PAG1: variants seen among roughly 807,000 people sequenced by gnomAD.
PAG1 encodes phosphoprotein membrane anchor with glycosphingolipid microdomains 1.
PAG1 carries 23 observed loss-of-function variants against 31.7 expected under a neutral mutation model. That is an observed-to-expected ratio of 0.73 (90% CI 0.52 to 1.03). PAG1 has a LOEUF of 1.03. Among genes scored for constraint, PAG1 ranks in the 50% least tolerant of loss-of-function variants. PAG1 has a pLI of 0.00. For missense variants in PAG1, 473 were observed against 540.7 expected, an observed-to-expected ratio of 0.87 and a Z score of 1.24; for synonymous variants, 214 against 210.3, an observed-to-expected ratio of 1.02 and a Z score of -0.15.
intron 6 of PAG1, among the ~76,000 whole-genome samples, chr8:80,985,691 A>G (rs541099170): frequency 6.6e-6 from 1 of 152,334 alleles, no homozygotes; most frequent in South Asian, 2.1e-4. Flanking sequence ...TGACCAGAAG[A>G]TGACCAGTTT....
intron 8 of PAG1, among the ~76,000 whole-genome samples, chr8:80,978,659 C>A (rs1807233884): frequency 6.6e-6 from 1 of 152,172 alleles, no homozygotes; most frequent in South Asian, 2.1e-4. Context: ...TGGCCTTTGT[C>A]CTCATTCATT....
chr8:80,995,589 A>G (rs1265191564), intron 3 of PAG1, among the ~76,000 whole-genome samples: 1 of 152,254 alleles, frequency 6.6e-6, no homozygotes, highest in Non-Finnish European at 1.5e-5. Flanking sequence ...AAAGCATACA[A>G]CATTTTAGGA....
chr8:81,093,727 C>A (rs1189322282), intron 1 of PAG1, among the ~76,000 whole-genome samples: 4 of 151,810 alleles, frequency 2.6e-5, no homozygotes, highest in African/African-American at 9.7e-5. Context: ...CAAGAAATCA[C>A]CCTCTCTGGA....
rs59502689 is a variant in PAG1, at chr8:81,021,518, ATGTGTGTG to A, written c.-81+8470_-81+8477del. Among the ~76,000 whole-genome samples, 34 of 139,684 alleles carry A rather than the reference ATGTGTGTG, an allele frequency of 2.4e-4. 1 individual carries two copies. Among genetic ancestry groups the A allele is most frequent in the Admixed American group, 2.3e-3 (31 of 13,396 alleles). 91.6% of individuals were successfully genotyped at this position (139,684 alleles called of 152,430 possible). On this transcript the variant is annotated intron_variant, in intron 3 of 8. Coordinates refer to ENST00000220597, the MANE Select transcript of PAG1 (RefSeq NM_018440.4). The stretch of plus-strand genomic sequence containing the variant: ...TTACTTCAAGTGTGTGTGTGTGTGC[ATGTGTGTG>A]TGTGTGTGTGTGTGCCTCTGTGTTT...
chr8:81,102,624 A>G (rs950118260), intron 1 of PAG1, among the ~76,000 whole-genome samples: 1 of 152,204 alleles, frequency 6.6e-6, no homozygotes, highest in Non-Finnish European at 1.5e-5. Flanking sequence ...CATTCTATGT[A>G]CTTTTCATGA....
At chr8:81,085,969 C>CTTTTTTTTT (rs1563425286) in intron 1 of PAG1, among the ~76,000 whole-genome samples, 2 of 79,064 alleles carry the variant, frequency 2.5e-5, no homozygotes, top group African/African-American at 1.2e-4. Flanking sequence ...TTTAATCTGG[C>CTTTTTTTTT]TTGTTTTTTT....
Position 81,080,259 on chromosome 8 carries a change from C to T in PAG1, c.-233-10089G>A, listed in dbSNP as rs143737800. On this transcript the variant is annotated intron_variant, in intron 1 of 8. Transcript: ENST00000220597. The stretch of plus-strand genomic sequence containing the variant: ...CTATTTCGTTTTAGTGACTAGCCTT[C>T]GTAGATGGACTAGTGATTTCAGCAC... Among the ~76,000 whole-genome samples the T allele has an allele frequency of 9.0e-4, 137 of 152,228 alleles. No individual in the cohort carries two copies. The East Asian group carries it at 0.015, about 17-fold the overall frequency.
intron 2 of PAG1, among the ~76,000 whole-genome samples, chr8:81,046,461 A>G (rs78503806): frequency 0.046 from 6,975 of 152,200 alleles, 303 homozygotes; most frequent in African/African-American, 0.11. Flanking sequence ...CCCTTCTCTT[A>G]TCACCATTTG....
intron 3 of PAG1, among the ~76,000 whole-genome samples, chr8:81,013,184 C>T (rs1808013991): frequency 6.6e-6 from 1 of 152,230 alleles, no homozygotes; most frequent in Non-Finnish European, 1.5e-5. Flanking sequence ...CTCTCCCTAG[C>T]TATGAAATAC....
intron 2 of PAG1, chr8:81,058,384 T>G (rs1808862591): frequency 6.6e-6 from 1 of 152,232 alleles, no homozygotes; most frequent in African/African-American, 2.4e-5. Flanking sequence ...TAATAAAAAC[T>G]GATACTATTT....
chr8:81,008,061 TGTATCATTTTGTCCATC>T (rs1807917205), intron 3 of PAG1, among the ~76,000 whole-genome samples: 1 of 145,852 alleles, frequency 6.9e-6, no homozygotes, highest in African/African-American at 2.4e-5. Context: ...GAAGTTAGTA[TGTATCATTTTGTCCATC>T]GGATTAAATA....
rs903154516 is a variant in PAG1, at chr8:80,990,176, G to A, written c.177+1303C>T. ...GAAACAGAGTAAAGGGAGGAGTGGT[G>A]ATGAGGGCCCAGGAAAGCTGCGAAG... On this transcript the variant is annotated intron_variant, in intron 5 of 8. Transcript: ENST00000220597. This position sits in a 1 kb window ranked among gnomAD's most constrained non-coding sequence, Gnocchi z 5.1. Among the ~76,000 whole-genome samples the A allele has an allele frequency of 1.3e-5, 2 of 152,056 alleles. No homozygotes were observed. The highest frequency in any genetic ancestry group is 2.9e-5 in the Non-Finnish European group (2 of 68,006).
At chr8:80,979,949 T>C (rs1019622722) in intron 8 of PAG1, among the ~76,000 whole-genome samples, 13 of 152,188 alleles carry the variant, frequency 8.5e-5, no homozygotes, top group African/African-American at 3.1e-4. Flanking sequence ...TGACCCTAGC[T>C]CCTGCCTGGA....
intron 2 of PAG1, among the ~76,000 whole-genome samples, chr8:81,047,084 C>A (rs964519825): frequency 5.3e-5 from 8 of 152,200 alleles, no homozygotes; most frequent in African/African-American, 1.7e-4. Context: ...TTTCTGTACC[C>A]AGTCTATCAC....
intron 2 of PAG1, among the ~76,000 whole-genome samples, chr8:81,044,680 C>T (rs1274123684): frequency 6.6e-6 from 1 of 152,102 alleles, no homozygotes; most frequent in Admixed American, 6.6e-5. Flanking sequence ...CTCACATAGC[C>T]CCTTTCACAC....
rs916887490 is a variant in PAG1, at chr8:80,990,846, T to A, written c.177+633A>T. ...TGTCCAAGTCCTAACCCCCAGCACC[T>A]GAGAATATGGTCTCATTTGGAAATA... On this transcript the variant is annotated intron_variant, in intron 5 of 8. Coordinates refer to ENST00000220597, the MANE Select transcript of PAG1 (RefSeq NM_018440.4). The surrounding 1 kb of genome is among the most constrained non-coding windows in gnomAD (Gnocchi z 5.1). Among the ~76,000 whole-genome samples the A allele has an allele frequency of 6.6e-6, 1 of 152,178 alleles. No homozygotes were observed. Among genetic ancestry groups the A allele is most frequent in the African/African-American group, 2.4e-5 (1 of 41,426 alleles).
At chr8:81,084,985 G>T (rs920920686) in intron 1 of PAG1, among the ~76,000 whole-genome samples, 9 of 152,128 alleles carry the variant, frequency 5.9e-5, no homozygotes, top group Admixed American at 2.0e-4. Flanking sequence ...AAGTATCAGA[G>T]TCAAATAAGA....
chr8:81,070,497 C>T (rs1809074480), intron 1 of PAG1, among the ~76,000 whole-genome samples: 1 of 152,148 alleles, frequency 6.6e-6, no homozygotes, highest in Non-Finnish European at 1.5e-5. Context: ...TTGCTGCCTT[C>T]TAACTCAATC....
intron 1 of PAG1, among the ~76,000 whole-genome samples, chr8:81,092,934 T>C (rs1809471799): frequency 6.6e-6 from 1 of 152,200 alleles, no homozygotes; most frequent in Non-Finnish European, 1.5e-5. Flanking sequence ...AAAACCTTCT[T>C]AGCTGCATGA....
Sources: allele counts gnomAD v4.1 joint callset (sites outside exome capture counted in the v4.1 genomes callset), GRCh38; gene constraint gnomAD v4.1.1; non-coding constraint Gnocchi (gnomAD v3.1); transcripts MANE v1.5; gene names NCBI Gene and HGNC (gene_info 2026-07-23, HGNC 2026-07-21).